ZZZ3: variants seen among roughly 807,000 people sequenced by gnomAD.
ZZZ3 encodes zinc finger ZZ-type containing 3.
A neutral mutation model predicts 95.2 loss-of-function variants in ZZZ3; 22 were observed. The observed-to-expected ratio is 0.23, with a 90% CI of 0.17 to 0.33. The LOEUF (loss-of-function observed/expected upper bound fraction) is 0.33, where lower values mean the gene tolerates loss of function less well. Among genes scored for constraint, ZZZ3 ranks in the 10% least tolerant of loss-of-function variants. The pLI is 1.00. For missense variants in ZZZ3, 885 were observed against 1,066.5 expected, an observed-to-expected ratio of 0.83 and a Z score of 2.37; for synonymous variants, 335 against 358.9, an observed-to-expected ratio of 0.93 and a Z score of 0.75.
chr1:77,594,985 C>T (rs1664088662), intron 5 of ZZZ3, among the ~76,000 whole-genome samples: 1 of 148,012 alleles, frequency 6.8e-6, no homozygotes, highest in Non-Finnish European at 1.5e-5. Context: ...TACTATGAGG[C>T]AAAGTATAAA....
At chr1:77,682,046 CA>C (rs1672816264) in intron 1 of ZZZ3, among the ~76,000 whole-genome samples, 1 of 151,970 alleles carries the variant, frequency 6.6e-6, no homozygotes, top group Non-Finnish European at 1.5e-5. Flanking sequence ...TAGGCACGTA[CA>C]AAATGATGAA....
chr1:77,640,066 A>G (rs1557753254), intron 3 of ZZZ3, among the ~76,000 whole-genome samples: 1 of 152,128 alleles, frequency 6.6e-6, no homozygotes, highest in Non-Finnish European at 1.5e-5. Context: ...CAAATAATCA[A>G]CCAAATCTTC....
intron 6 of ZZZ3, among the ~76,000 whole-genome samples, chr1:77,583,633 C>T (rs957380827): frequency 2.0e-5 from 3 of 152,138 alleles, no homozygotes; most frequent in Non-Finnish European, 2.9e-5. Context: ...CCCAGGGCTG[C>T]TCTCCTAACA....
At chr1:77,601,982 T>C (rs2100678568) in intron 5 of ZZZ3, among the ~76,000 whole-genome samples, 1 of 152,320 alleles carries the variant, frequency 6.6e-6, no homozygotes, top group South Asian at 2.1e-4. Context: ...GAAGTTCCGC[T>C]CTGCTAATCT....
chr1:77,675,920 T>C (rs1202996552), intron 1 of ZZZ3, among the ~76,000 whole-genome samples: 1 of 152,212 alleles, frequency 6.6e-6, no homozygotes, highest in African/African-American at 2.4e-5. Flanking sequence ...GCTATTAAAT[T>C]TCAGTAAATG....
In ZZZ3 at chr1:77,578,580, T is replaced by C. The variant is rs192647093; in HGVS notation, c.2178+194A>G. 9.8e-5 allele frequency among the ~76,000 whole-genome samples: 15 copies of C among 152,288 alleles called. No homozygotes were observed. The East Asian group carries it at 2.5e-3, about 25-fold the overall frequency. On this transcript the variant is annotated intron_variant, in intron 11 of 14. Coordinates refer to ENST00000370801, the MANE Select transcript of ZZZ3 (RefSeq NM_015534.6). ...ATTCACATTACTCCAAAGAAAATAA[T>C]GAAGAATCATGAATTTCACTGAGCA...
At chr1:77,651,357 C>T (rs377151110) in intron 1 of ZZZ3, among the ~76,000 whole-genome samples, 4 of 151,996 alleles carry the variant, frequency 2.6e-5, no homozygotes, top group South Asian at 2.1e-4. Context: ...CCAGCGTGGG[C>T]GACAGAGAGA....
At chr1:77,643,291 T>C (rs1668953845) in intron 1 of ZZZ3, among the ~76,000 whole-genome samples, 1 of 152,238 alleles carries the variant, frequency 6.6e-6, no homozygotes, top group African/African-American at 2.4e-5. Flanking sequence ...CCCTGTATTG[T>C]GTTCTTCACC....
intron 1 of ZZZ3, among the ~76,000 whole-genome samples, chr1:77,679,513 T>C (rs76219257): frequency 0.013 from 2,027 of 152,172 alleles, 40 homozygotes; most frequent in African/African-American, 0.047. Context: ...ATGTTGTTGC[T>C]GGTCTCAAGC....
At chr1:77,579,381 A>G (rs913987912) in intron 10 of ZZZ3, 146 bp downstream of exon 10, 1 of 529,340 alleles carries the variant, frequency 1.9e-6, no homozygotes, top group South Asian at 3.2e-5. Flanking sequence ...GAAAATATAT[A>G]CAATTTTTTT....
At chr1:77,668,727 C>A (rs1671473354) in intron 1 of ZZZ3, among the ~76,000 whole-genome samples, 1 of 151,544 alleles carries the variant, frequency 6.6e-6, no homozygotes, top group Admixed American at 6.6e-5. Context: ...ATTCCAAGTC[C>A]ATGTTCTTTT....
intron 12 of ZZZ3, among the ~76,000 whole-genome samples, chr1:77,569,754 C>T (rs74090656): frequency 0.013 from 1,929 of 151,698 alleles, 32 homozygotes; most frequent in African/African-American, 0.044. Flanking sequence ...GTTATTCCTA[C>T]TTCTCTCATA....
intron 5 of ZZZ3, among the ~76,000 whole-genome samples, chr1:77,596,616 G>A (rs762103591): frequency 5.9e-5 from 9 of 152,068 alleles, no homozygotes; most frequent in Non-Finnish European, 8.8e-5. Context: ...AAGAAAAGGC[G>A]CTGACCTATG....
chr1:77,663,613 T>C (rs915397513), intron 1 of ZZZ3, among the ~76,000 whole-genome samples: 4 of 152,210 alleles, frequency 2.6e-5, no homozygotes, highest in African/African-American at 9.6e-5. Flanking sequence ...GGAATGAATA[T>C]CATATCCCTT....
chr1:77,579,550 A>G lies in ZZZ3; in HGVS notation c.2059T>C (p.Leu687=), dbSNP rs1476823402. The G allele has an allele frequency of 1.7e-5, 27 of 1,596,060 alleles. No homozygotes were observed. The highest frequency in any genetic ancestry group is 1.7e-4 in the Middle Eastern group (1 of 6,038). Residue 687 remains leucine (L), a synonymous_variant, in exon 10 of 15, where the codon TTG becomes CTG. Transcript: ENST00000370801. ...ACCTGTTTTGCTGTCCTGTTGCCCA[A>G]TTCATCTGCTATCTTCTGCCAGCGT... ...SRRWQKIADE[L]GNRTAKQVAS...
intron 5 of ZZZ3, among the ~76,000 whole-genome samples, chr1:77,618,988 T>C (rs566077688): frequency 5.3e-5 from 8 of 152,290 alleles, no homozygotes; most frequent in South Asian, 2.1e-4. Flanking sequence ...TTTTCTCTCT[T>C]AAAATAGAAA....
chr1:77,611,090 A>C lies in ZZZ3; in HGVS notation c.1505+20760T>G, dbSNP rs184547591. On this transcript the variant is annotated intron_variant, in intron 5 of 14. Coordinates refer to ENST00000370801, the MANE Select transcript of ZZZ3 (RefSeq NM_015534.6). ...AAACCCTAAAGACTCTACCCAAAACACTTTTAGAATAAACAAATTTAGTAT... is the reference window on the plus strand; with the variant it reads ...AAACCCTAAAGACTCTACCCAAAACCCTTTTAGAATAAACAAATTTAGTAT... Among the ~76,000 whole-genome samples the C allele has an allele frequency of 1.3e-4, 19 of 151,910 alleles. No individual in the cohort carries two copies. The East Asian group carries it at 3.7e-3, about 29-fold the overall frequency.
At chr1:77,667,348 G>A (rs1001445551) in intron 1 of ZZZ3, among the ~76,000 whole-genome samples, 1 of 152,094 alleles carries the variant, frequency 6.6e-6, no homozygotes, top group African/African-American at 2.4e-5. Flanking sequence ...AACATACCAA[G>A]GAATAAAACT....
chr1:77,603,456 G>A (rs1036416512), intron 5 of ZZZ3, among the ~76,000 whole-genome samples: 7 of 152,110 alleles, frequency 4.6e-5, no homozygotes, highest in African/African-American at 1.7e-4. Context: ...TTTCTTCCAA[G>A]CAAAGTGAAG....
Sources: allele counts gnomAD v4.1 joint callset (sites outside exome capture counted in the v4.1 genomes callset), GRCh38; gene constraint gnomAD v4.1.1; transcripts MANE v1.5; gene names NCBI Gene and HGNC (gene_info 2026-07-23, HGNC 2026-07-21).